Variants in CDYL observed in about 807,000 individuals in gnomAD.
CDYL encodes chromodomain Y like, also known as chromodomain Y-like protein.
A neutral mutation model predicts 47.3 loss-of-function variants in CDYL; 8 were observed. The observed-to-expected ratio is 0.17, with a 90% confidence interval of 0.10 to 0.31. The LOEUF (loss-of-function observed/expected upper bound fraction) is 0.31, where lower values mean the gene tolerates loss of function less well. Ranked by LOEUF, CDYL falls within the 10% of genes least tolerant of loss-of-function variation. CDYL has a pLI of 1.00. For missense variants in CDYL, 471 were observed against 701.4 expected, an observed-to-expected ratio of 0.67 and a Z score of 3.71; for synonymous variants, 266 against 265.0, an observed-to-expected ratio of 1.00 and a Z score of -0.04.
intron 1 of CDYL, among the ~76,000 whole-genome samples, chr6:4,819,116 TTCTCTCTCTCTCTCTCTC>T (rs373718294): frequency 2.2e-4 from 17 of 76,704 alleles, no homozygotes; most frequent in Admixed American, 4.8e-4. Flanking sequence ...TTTAGGTTCG[TTCTCTCTCTCTCTCTCTC>T]TCTCTCTCTC....
chr6:4,885,167 T>A (rs1445126383), intron 1 of CDYL, among the ~76,000 whole-genome samples: 5 of 152,052 alleles, frequency 3.3e-5, no homozygotes, highest in Non-Finnish European at 7.4e-5. Flanking sequence ...CTAATTTTTT[T>A]ATATTTTGTA....
chr6:4,726,046 G>T (rs372513882), intron 2 of CDYL, among the ~76,000 whole-genome samples: 1 of 152,150 alleles, frequency 6.6e-6, no homozygotes, highest in South Asian at 2.1e-4. Flanking sequence ...AAATCATCAC[G>T]AATGTCAGCT....
chr6:4,907,944 C>T (rs1483358087), intron 2 of CDYL, among the ~76,000 whole-genome samples: 1 of 152,120 alleles, frequency 6.6e-6, no homozygotes, highest in African/African-American at 2.4e-5. Flanking sequence ...ATCAGTTCCA[C>T]AGTTTGGCCC....
At chr6:4,784,661 G>A (rs1758705677) in intron 1 of CDYL, among the ~76,000 whole-genome samples, 2 of 152,288 alleles carry the variant, frequency 1.3e-5, no homozygotes, top group South Asian at 2.1e-4. Context: ...TCTTACGATG[G>A]TGGTCCCGTA....
Position 4,718,402 on chromosome 6 carries a change from C to CCACCT in CDYL, c.103+2523_103+2524insCCTCA, listed in dbSNP as rs1245176549. 4 of 152,218 alleles carry CCACCT rather than the reference C, an allele frequency of 2.6e-5. No homozygotes were observed. In the East Asian group the frequency reaches 7.7e-4, roughly 29 times the overall value. The allele number at this position is 152,218 out of a possible 1,614,324, so 9.4% of individuals were successfully genotyped here. A position where few individuals can be genotyped will look rare whatever the true frequency, so the allele number is the denominator to read the frequency against. ...CAAATGATTCTCCCACCTCAGCCTCCCAAGTAGCTGGGATTACAGCGTGTG... is the reference window on the plus strand; with the variant it reads ...CAAATGATTCTCCCACCTCAGCCTCCCACCTCAAGTAGCTGGGATTACAGCGTGTG... On this transcript the variant is annotated intron_variant, in intron 2 of 8. Coordinates refer to the CDYL transcript ENST00000328908.
chr6:4,909,622 T>C (rs1330592932), intron 2 of CDYL, among the ~76,000 whole-genome samples: 1 of 152,182 alleles, frequency 6.6e-6, no homozygotes, highest in East Asian at 1.9e-4. Context: ...CAAGCTGGAG[T>C]GCAGTAGCAC....
At chr6:4,814,406 G>A (rs749983472) in intron 1 of CDYL, among the ~76,000 whole-genome samples, 4 of 152,160 alleles carry the variant, frequency 2.6e-5, no homozygotes, top group Non-Finnish European at 5.9e-5. Flanking sequence ...TGGAGCATAT[G>A]CAGAGTCAAC....
At chr6:4,923,738 AT>A (rs1321808534) in intron 2 of CDYL, among the ~76,000 whole-genome samples, 1 of 152,070 alleles carries the variant, frequency 6.6e-6, no homozygotes, top group Non-Finnish European at 1.5e-5. Flanking sequence ...CTACTAAAAA[AT>A]ATTTAAAAAA....
chr6:4,831,259 G>A (rs1187829769), intron 1 of CDYL, among the ~76,000 whole-genome samples: 1 of 151,864 alleles, frequency 6.6e-6, no homozygotes, highest in Non-Finnish European at 1.5e-5. Flanking sequence ...TTTTGTATAA[G>A]GTGTAAGGAA....
rs569135301 is a variant in CDYL, at chr6:4,817,370, CTG to C, written c.24+40566_24+40567del. Among the ~76,000 whole-genome samples, 253 of 147,520 alleles carry C rather than the reference CTG, an allele frequency of 1.7e-3. 5 individuals carry two copies. In the Middle Eastern group the frequency reaches 0.017, roughly 10 times the overall value. On this transcript the variant is annotated intron_variant, in intron 1 of 6. Transcript: ENST00000397588. Reference sequence around the variant, plus strand: ...TTAAGAGAATTAAAAAAAAAAAAAACTGTGAAATTCCTGGATCAGAAGCCATG... The same window carrying C: ...TTAAGAGAATTAAAAAAAAAAAAAACTGAAATTCCTGGATCAGAAGCCATG...
chr6:4,899,609 TC>T (rs1756955672), intron 2 of CDYL, among the ~76,000 whole-genome samples: 1 of 152,234 alleles, frequency 6.6e-6, no homozygotes, highest in African/African-American at 2.4e-5. Flanking sequence ...TGAATTGTTT[TC>T]CTTTTCCTGG....
chr6:4,808,925 T>C (rs1466770763), intron 1 of CDYL, among the ~76,000 whole-genome samples: 1 of 152,174 alleles, frequency 6.6e-6, no homozygotes, highest in African/African-American at 2.4e-5. Context: ...TCCTGGTTGA[T>C]TGTCATTGTG....
chr6:4,862,293 C>A (rs539705563), intron 1 of CDYL, among the ~76,000 whole-genome samples: 1 of 152,290 alleles, frequency 6.6e-6, no homozygotes, highest in African/African-American at 2.4e-5. Context: ...GCTGCTGTTT[C>A]ACTGGAGATA....
intron 1 of CDYL, chr6:4,836,321 T>G: frequency 3.3e-6 from 3 of 915,324 alleles, no homozygotes; most frequent in Non-Finnish European, 2.6e-6. Context: ...GAGTTTTAAT[T>G]ATTTATTTTA....
chr6:4,763,419 C>G (rs1168793207), intron 3 of CDYL, among the ~76,000 whole-genome samples: 1 of 151,888 alleles, frequency 6.6e-6, no homozygotes, highest in African/African-American at 2.4e-5. Flanking sequence ...AATTAAAACA[C>G]AAAGCAACAA....
At chr6:4,765,108 A>C (rs1758232373) in intron 3 of CDYL, among the ~76,000 whole-genome samples, 1 of 151,934 alleles carries the variant, frequency 6.6e-6, no homozygotes, top group Admixed American at 6.6e-5. Context: ...GGATTAACTG[A>C]GGTCAGGGGT....
At chr6:4,836,195 G>T (rs575989527) in intron 1 of CDYL, 12 of 650,330 alleles carry the variant, frequency 1.8e-5, no homozygotes, top group Middle Eastern at 1.5e-3. Flanking sequence ...GCTGTAGACC[G>T]GAGCTGTTCC....
intron 1 of CDYL, among the ~76,000 whole-genome samples, chr6:4,847,585 A>G (rs1760701262): frequency 6.6e-6 from 1 of 152,176 alleles, no homozygotes; most frequent in South Asian, 2.1e-4. Flanking sequence ...TTCTCTTGTC[A>G]TGAACTGAAG....
At chr6:4,853,844 A>G (rs1760924185) in intron 1 of CDYL, among the ~76,000 whole-genome samples, 1 of 152,202 alleles carries the variant, frequency 6.6e-6, no homozygotes. Flanking sequence ...CGTGTGCAGA[A>G]CAGCATGGCA....
Sources: allele counts gnomAD v4.1 joint callset (sites outside exome capture counted in the v4.1 genomes callset), GRCh38; gene constraint gnomAD v4.1.1; transcripts MANE v1.5; gene names NCBI Gene and HGNC (gene_info 2026-07-23, HGNC 2026-07-21).